Variants in TTN observed in about 807,000 individuals in gnomAD.
The protein encoded by TTN is titin, also known as connectin.
TTN carries 1,525 observed loss-of-function variants against 3,223.0 expected under a neutral mutation model. The observed-to-expected ratio is 0.47, with a 90% CI of 0.45 to 0.49. The LOEUF (loss-of-function observed/expected upper bound fraction) is 0.49. TTN is among the 20% of genes least tolerant of loss of function. The pLI is 0.00. For missense variants in TTN, 40,786 were observed against 43,424.0 expected (o/e 0.94, Z 5.40); for synonymous variants, 14,094 against 15,161.0 (o/e 0.93, Z 5.17).
Position 178,565,194 on chromosome 2 carries a change from C to A in TTN, c.80938G>T (p.Val26980Phe). The A allele has an allele frequency of 6.2e-7, 1 of 1,613,564 alleles. No individual in the cohort carries two copies. ...LEKPGPPVGP[V>F]RFDEVSADFV... ...TCTGCACTAACTTCATCAAACCGAA[C>A]TGGGCCAACTGGAGGTCCAGGCTTT... is the stretch of plus-strand genomic sequence containing the variant. Residue 26980 changes from valine to phenylalanine, a missense_variant, in exon 326 of 363, where the codon GTT becomes TTT. Transcript: ENST00000589042.
intron 155 of TTN, 62 bp downstream of exon 155, chr2:178,671,909 A>G: frequency 6.5e-7 from 1 of 1,543,188 alleles, no homozygotes; most frequent in Non-Finnish European, 8.7e-7. Context: ...CACAAAATTT[A>G]CTTTCAAAGG....
chr2:178,720,640 G>T lies in TTN; in HGVS notation c.23122C>A (p.Pro7708Thr). The change falls in exon 80 of 363, where the codon CCT (proline) becomes ACT (threonine). Residue 7708 changes from proline (P) to threonine (T), a missense_variant. By Grantham distance (38) the Pro-to-Thr change is conservative (BLOSUM62 -1). Transcript: ENST00000589042. ...CCTTTAAGAGCTCCTACTGGAGAAG[G>T]CTTCTGGGTGAAAACAGGAGGTGCT... is the stretch of plus-strand genomic sequence containing the variant. ...VKAPPVFTQK[P>T]SPVGALKGSD... The T allele has an allele frequency of 6.3e-7, 1 of 1,596,694 alleles. No homozygotes were observed.
chr2:178,650,363 C>A (rs2062736324), intron 209 of TTN, 92 bp from the exon 210 acceptor site: 1 of 1,218,202 alleles, frequency 8.2e-7, no homozygotes, highest in Non-Finnish European at 1.1e-6. Context: ...ATCTTGATTT[C>A]TTCCTTTGTT....
intron 111 of TTN, among the ~76,000 whole-genome samples, chr2:178,700,876 T>C (rs866591782): frequency 2.0e-5 from 3 of 152,194 alleles, no homozygotes; most frequent in South Asian, 4.1e-4. Flanking sequence ...CTATTAATGT[T>C]TCAGTAATTT....
rs1575605256 is a variant in TTN, at chr2:178,559,659, A to G, written c.86473T>C (p.Leu28825=). 6 of 1,613,270 alleles carry G rather than the reference A, an allele frequency of 3.7e-6. No homozygotes were observed. In the East Asian group the frequency reaches 1.1e-4, roughly 30 times the overall value. The change falls in exon 326 of 363, where the codon TTA becomes CTA. Residue 28825 remains leucine, a synonymous_variant. Coordinates refer to ENST00000589042, the MANE Select transcript of TTN (RefSeq NM_001267550.2). Reference sequence around the variant, plus strand: ...GCACTCAAAACATTCTGAATTGTTAATGTGTACTTTCCAGAGTCATTTCTG... The same window carrying G: ...GCACTCAAAACATTCTGAATTGTTAGTGTGTACTTTCCAGAGTCATTTCTG... ...ANRNDSGKYT[L]TIQNVLSAAS... is the part of the protein sequence containing the mutation.
Position 178,709,592 on chromosome 2 carries a change from A to G in TTN, c.28727T>C (p.Leu9576Pro). 6.2e-7 allele frequency: 1 copy of G among 1,612,760 alleles called. No homozygotes were observed. Among genetic ancestry groups the G allele is most frequent in the Non-Finnish European group, 8.5e-7 (1 of 1,178,840 alleles). Residue 9576 changes from leucine to proline, a missense_variant, in exon 99 of 363, where the codon CTG becomes CCG. Transcript: ENST00000589042. ...CKVSNDAGSALCTSSIVIKEP... is the reference protein window; with the variant it reads ...CKVSNDAGSAPCTSSIVIKEP... The stretch of plus-strand genomic sequence containing the variant: ...TTTGATGACGATTGAAGACGTGCAC[A>G]GAGCAGAGCCTGCATCATTGGACAC...
In TTN at chr2:178,575,798, G is replaced by A. The variant is rs750009240; in HGVS notation, c.70334C>T (p.Thr23445Ile). 2.5e-6 allele frequency: 4 copies of A among 1,613,136 alleles called. No homozygotes were observed. The Admixed American group carries it at 6.7e-5, about 27-fold the overall frequency. The change falls in exon 326 of 363, where the codon ACA (threonine) becomes ATA (isoleucine). Residue 23445 changes from threonine (T) to isoleucine (I), a missense_variant. Coordinates refer to ENST00000589042, the MANE Select transcript of TTN (RefSeq NM_001267550.2). This position sits in a 1 kb window ranked among gnomAD's most constrained non-coding sequence, Gnocchi z 4.0. ...GGTGACACTGTCCTTTGTGATGTCT[G>A]TAGGCCGCAGGTTGAGGACTGGGCC... ...TPGPVLNLRP[T>I]DITKDSVTLH...
chr2:178,706,403 C>G, intron 102 of TTN, 51 bp downstream of exon 102: 7 of 1,518,394 alleles, frequency 4.6e-6, no homozygotes, highest in Non-Finnish European at 6.2e-6. Context: ...GATGCGGAAC[C>G]CACTTATATG....
In TTN at chr2:178,727,129, C is replaced by A. The variant is rs202108224; in HGVS notation, c.20236G>T (p.Ala6746Ser). 2 of 1,596,982 alleles carry A rather than the reference C, an allele frequency of 1.3e-6. No homozygotes were observed. The highest frequency in any genetic ancestry group is 3.4e-5 in the Admixed American group (2 of 59,066). Residue 6746 changes from alanine (A) to serine (S), a missense_variant, in exon 69 of 363, where the codon GCT becomes TCT. Transcript: ENST00000589042. Reference protein sequence around the residue: ...GDFICEAQNPAGSTSCSTKVI... With the variant: ...GDFICEAQNPSGSTSCSTKVI... ...TTGGTACTGCAGCTTGTGCTGCCAG[C>A]GGGATTCTGAGCCTCACAAATGAAA...
At chr2:178,666,138 A>G (rs947005915) in intron 163 of TTN, among the ~76,000 whole-genome samples, 1 of 152,098 alleles carries the variant, frequency 6.6e-6, no homozygotes, top group African/African-American at 2.4e-5. Context: ...ATTTTTTTGT[A>G]TTCACACCTC....
At chr2:178,743,109 G>A (rs1455974752) in intron 47 of TTN, 1 of 151,984 alleles carries the variant, frequency 6.6e-6, no homozygotes, top group Non-Finnish European at 1.5e-5. Flanking sequence ...TATCTGTAAA[G>A]GGAGTGAATG....
rs771546584 is a variant in TTN at position 178,770,176 on chromosome 2, A to G, written c.8525T>C (p.Leu2842Pro). 8.7e-6 allele frequency: 14 copies of G among 1,614,160 alleles called. No individual in the cohort carries two copies. In the Admixed American group the frequency reaches 1.5e-4, roughly 17 times the overall value. ...CTTGTGGACTTTCCTTTCTGAGACC[A>G]GTCTGTGTTTGTCACTTGGCTTAAT... ...VEIKPSDKHR[L>P]VSERKVHKLM... The change falls in exon 36 of 363, where the codon CTG (leucine) becomes CCG (proline). Residue 2842 changes from leucine (L) to proline (P), a missense_variant. Coordinates refer to ENST00000589042, the MANE Select transcript of TTN (RefSeq NM_001267550.2).
At chr2:178,689,999 G>A (rs2071948300) in intron 121 of TTN, 103 bp from the exon 122 acceptor site, 7 of 963,402 alleles carry the variant, frequency 7.3e-6, no homozygotes, top group African/African-American at 1.6e-5. Context: ...ATGTTGTTAT[G>A]GATTATCTAT....
At chr2:178,536,857 A>G (rs1691782871) in intron 356 of TTN, 81 bp downstream of exon 356, 1 of 1,314,900 alleles carries the variant, frequency 7.6e-7, no homozygotes, top group Non-Finnish European at 1.0e-6. Context: ...ATTTCCTTTC[A>G]AAATTTCTTT....
chr2:178,616,214 A>G (rs1211984274), intron 257 of TTN, among the ~76,000 whole-genome samples: 1 of 151,910 alleles, frequency 6.6e-6, no homozygotes, highest in Non-Finnish European at 1.5e-5. Context: ...TTGGGTACTT[A>G]GCAGGTACCA....
chr2:178,764,822 A>G lies in TTN; in HGVS notation c.9704-11T>C. 1 of 1,612,264 alleles carries G rather than the reference A, an allele frequency of 6.2e-7. No individual in the cohort carries two copies. On this transcript the variant is annotated splice_polypyrimidine_tract_variant and intron_variant, in intron 41 of 362. Coordinates refer to ENST00000589042, the MANE Select transcript of TTN (RefSeq NM_001267550.2). ...GGGGCGGTTCAGGAGCTAGGAGTAAATGTTGACAAATAGCCCATGAAAAAG... is the reference window on the plus strand; with the variant it reads ...GGGGCGGTTCAGGAGCTAGGAGTAAGTGTTGACAAATAGCCCATGAAAAAG...
chr2:178,734,364 C>G lies in TTN; in HGVS notation c.15460G>C (p.Gly5154Arg). The change falls in exon 52 of 363, where the codon GGC becomes CGC. Residue 5154 changes from glycine to arginine, a missense_variant. Transcript: ENST00000589042. The part of the protein sequence containing the change: ...EYECVVANEV[G>R]KCGCMATHLL... The stretch of plus-strand genomic sequence containing the variant: ...TGGGTTGCCATGCAGCCACACTTGC[C>G]GACTTCATTAGCAACAACACATTCA... The G allele has an allele frequency of 6.2e-7, 1 of 1,605,920 alleles. No homozygotes were observed. The highest frequency in any genetic ancestry group is 8.5e-7 in the Non-Finnish European group (1 of 1,174,752).
chr2:178,717,032 C>G, intron 88 of TTN, 63 bp downstream of exon 88: 1 of 1,519,538 alleles, frequency 6.6e-7, no homozygotes, highest in Non-Finnish European at 8.9e-7. Flanking sequence ...GCACACCCAC[C>G]CTCCTATATT....
chr2:178,616,418 A>G, intron 257 of TTN, 61 bp downstream of exon 257: 10 of 1,590,964 alleles, frequency 6.3e-6, no homozygotes, highest in Non-Finnish European at 8.5e-6. Context: ...TGGCATCCCA[A>G]CCTTCTGGGA....
Sources: allele counts gnomAD v4.1 joint callset (sites outside exome capture counted in the v4.1 genomes callset), GRCh38; gene constraint gnomAD v4.1.1; non-coding constraint Gnocchi (gnomAD v3.1); transcripts MANE v1.5; gene names NCBI Gene and HGNC (gene_info 2026-07-23, HGNC 2026-07-21).